The following MYCBP2 variants were observed in gnomAD, a reference collection of about 807,000 sequenced individuals.
MYCBP2 encodes E3 ubiquitin-protein ligase MYCBP2.
A neutral mutation model predicts 525.3 loss-of-function variants in MYCBP2; 120 were observed. The ratio of observed to expected loss-of-function variants is 0.23; its 90% CI spans 0.20 to 0.27. MYCBP2 has a LOEUF of 0.27. MYCBP2 is among the 10% of genes least tolerant of loss of function. The probability of loss-of-function intolerance (pLI) is 1.00; values close to 1 mark genes in which losing one functional copy is unlikely to be tolerated. For missense variants in MYCBP2, 4,149 were observed against 5,657.1 expected, an observed-to-expected ratio of 0.73 and a Z score of 8.55; for synonymous variants, 1,894 against 1,955.8, an observed-to-expected ratio of 0.97 and a Z score of 0.83.
chr13:77,076,525 A>G (rs1178594850), intron 68 of MYCBP2, among the ~76,000 whole-genome samples: 1 of 152,220 alleles, frequency 6.6e-6, no homozygotes, highest in Non-Finnish European at 1.5e-5. Flanking sequence ...AAATGAATGC[A>G]AAAACCCAAG....
chr13:77,268,259 T>C (rs1368648663), intron 7 of MYCBP2, among the ~76,000 whole-genome samples: 1 of 152,324 alleles, frequency 6.6e-6, no homozygotes, highest in South Asian at 2.1e-4. Flanking sequence ...CTTTAACAAG[T>C]ACTTTAAGAA....
chr13:77,303,700 C>T (rs9544457), intron 1 of MYCBP2, among the ~76,000 whole-genome samples: 86,972 of 151,536 alleles, frequency 0.57, 28,293 homozygotes, highest in Non-Finnish European at 0.73. Flanking sequence ...ATAACAAAAT[C>T]GGTAGAATGC....
rs1197319513 is a variant in MYCBP2, at chr13:77,261,358, T to C, written c.1665A>G (p.Lys555=). ...CTTGTTTGATTCCAAGACTCTGGTATTTGCCAGTGTAATATATCTTATGTA... is the reference window on the plus strand; with the variant it reads ...CTTGTTTGATTCCAAGACTCTGGTACTTGCCAGTGTAATATATCTTATGTA... ...TANGKIYYTG[K]YQSLGIKQGG... Residue 555 remains lysine, a synonymous_variant, in exon 12 of 83, where the codon AAA becomes AAG. Transcript: ENST00000544440. 1.2e-6 allele frequency: 2 copies of C among 1,610,010 alleles called. No individual in the cohort carries two copies. The highest frequency in any genetic ancestry group is 1.1e-5 in the South Asian group (1 of 90,896).
intron 2 of MYCBP2, among the ~76,000 whole-genome samples, chr13:77,290,770 C>G (rs993030570): frequency 6.6e-6 from 1 of 152,146 alleles, no homozygotes; most frequent in Non-Finnish European, 1.5e-5. Flanking sequence ...GATGGAACTG[C>G]TGTATATCCA....
rs535986399 is a variant in MYCBP2, at chr13:77,062,511, T to TTTTG, written c.12774+81_12774+84dup. 2.5e-4 allele frequency: 294 copies of TTTTG among 1,180,406 alleles called. 1 individual carries two copies. The African/African-American group carries it at 3.3e-3, about 13-fold the overall frequency. 73.1% of individuals were successfully genotyped at this position (1,180,406 alleles called of 1,614,324 possible). ...CACTAACTGTTTATGTTGATGTGTT[T>TTTTG]TTTGTTTGTTTGTTTGTTTTTAAGC... is the stretch of plus-strand genomic sequence containing the variant. On this transcript the variant is annotated intron_variant, in intron 74 of 82. Transcript: ENST00000544440.
intron 48 of MYCBP2, 140 bp downstream of exon 48, chr13:77,146,022 A>G (rs1466299245): frequency 3.8e-6 from 2 of 523,538 alleles, no homozygotes; most frequent in Non-Finnish European, 6.7e-6. Context: ...ATACATTATT[A>G]TATGACATCT....
chr13:77,251,275 T>A lies in MYCBP2; in HGVS notation c.2257A>T (p.Met753Leu). ...CATTTGTGCATGCCTGGAGGGCACA[T>A]CATAGACTTCTCATCTTTTTCATCT... Reference protein sequence around the residue: ...ELDEKDEKSMMCPPGMHKWKL... With the variant: ...ELDEKDEKSMLCPPGMHKWKL... The change falls in exon 15 of 83, where the codon ATG becomes TTG. Residue 753 changes from methionine to leucine, a missense_variant. Around this residue, in one of 21 missense-constraint regions of MYCBP2, gnomAD observed 620 missense variants for 795.5 expected, o/e 0.78. Transcript: ENST00000544440. 6.2e-7 allele frequency: 1 copy of A among 1,614,226 alleles called. No individual in the cohort carries two copies. Among genetic ancestry groups the A allele is most frequent in the Non-Finnish European group, 8.5e-7 (1 of 1,180,026 alleles).
intron 50 of MYCBP2, 26 bp from the exon 51 acceptor site, chr13:77,140,189 A>G (rs950903065): frequency 7.0e-7 from 1 of 1,434,892 alleles, no homozygotes; most frequent in Non-Finnish European, 9.7e-7. Context: ...ATAAACAGTG[A>G]GGTAGGAAGA....
intron 47 of MYCBP2, among the ~76,000 whole-genome samples, chr13:77,146,960 T>C (rs2055685576): frequency 6.6e-6 from 1 of 152,074 alleles, no homozygotes; most frequent in Admixed American, 6.6e-5. Flanking sequence ...TTTATTTCAG[T>C]ACAGTTTATA....
intron 2 of MYCBP2, among the ~76,000 whole-genome samples, chr13:77,291,711 G>T (rs1294189559): frequency 1.3e-5 from 2 of 151,774 alleles, no homozygotes; most frequent in East Asian, 3.9e-4. Context: ...AGGTTGCAAT[G>T]AGCCGAGATC....
intron 44 of MYCBP2, 89 bp from the exon 45 acceptor site, chr13:77,158,198 G>A (rs3861128): frequency 0.67 from 489,135 of 730,708 alleles, 173,763 homozygotes; most frequent in Non-Finnish European, 0.74. Flanking sequence ...TTTCAGATAG[G>A]CCTTTACGGA....
chr13:77,098,529 T>G lies in MYCBP2; in HGVS notation c.8625A>C (p.Thr2875=), dbSNP rs748750243. ...TCTTGCGGAGGGTATCTGGATCAAG[T>G]GTGTAAGAGTCTGATTTAGAACGTT... The part of the protein sequence containing the change: ...PRERSKSDSY[T]LDPDTLRKKK... Residue 2875 remains threonine, a synonymous_variant, in exon 56 of 83, where the codon ACA becomes ACC. Coordinates refer to ENST00000544440, the MANE Select transcript of MYCBP2 (RefSeq NM_015057.5). 17 of 1,613,580 alleles carry G rather than the reference T, an allele frequency of 1.1e-5. No homozygotes were observed. In the Admixed American group the frequency reaches 2.5e-4, roughly 24 times the overall value.
chr13:77,285,988 T>TC (rs2076716089), intron 3 of MYCBP2, among the ~76,000 whole-genome samples: 1 of 151,438 alleles, frequency 6.6e-6, no homozygotes. Context: ...AAGAAAAGGG[T>TC]CCCACTCTAA....
intron 52 of MYCBP2, 36 bp from the exon 53 acceptor site, chr13:77,126,578 T>C (rs1382130741): frequency 2.7e-6 from 4 of 1,505,664 alleles, no homozygotes; most frequent in Non-Finnish European, 3.6e-6. Flanking sequence ...ATAAACAAAA[T>C]ACAATCTATT....
chr13:77,185,345 T>C lies in MYCBP2; in HGVS notation c.4477A>G (p.Lys1493Glu). ...GTTTTTCCAATACACTCTGCTAATT[T>C]GCTAGTTTCTTCTACAACTGCTTTT... The part of the protein sequence containing the change: ...TGKAVVEETS[K>E]LAECIGKTRT... Residue 1493 changes from lysine (K) to glutamate (E), a missense_variant, in exon 32 of 83, where the codon AAA (lysine) becomes GAA (glutamate). Physicochemically the swap from Lys to Glu is moderately conservative, Grantham distance 56. Transcript: ENST00000544440. 6.2e-7 allele frequency: 1 copy of C among 1,613,278 alleles called. No individual in the cohort carries two copies. Among genetic ancestry groups the C allele is most frequent in the Non-Finnish European group, 8.5e-7 (1 of 1,179,438 alleles).
At chr13:77,267,656 A>G (rs1392904851) in intron 8 of MYCBP2, among the ~76,000 whole-genome samples, 185 bp downstream of exon 8, 2 of 152,192 alleles carry the variant, frequency 1.3e-5, no homozygotes, top group Non-Finnish European at 2.9e-5. Context: ...TTATATTTCT[A>G]TGTCTATTCT....
At chr13:77,174,668 T>C (rs936168242) in intron 36 of MYCBP2, among the ~76,000 whole-genome samples, 179 bp from the exon 37 acceptor site, 6 of 151,590 alleles carry the variant, frequency 4.0e-5, no homozygotes, top group Non-Finnish European at 7.4e-5. Flanking sequence ...TGAACACCTG[T>C]TGCATAAAAG....
intron 17 of MYCBP2, among the ~76,000 whole-genome samples, chr13:77,242,773 G>C (rs2069101705): frequency 6.6e-6 from 1 of 152,196 alleles, no homozygotes; most frequent in South Asian, 2.1e-4. Context: ...AATAGTTATT[G>C]ATAGTAGGCA....
chr13:77,118,367 G>A (rs1038403312), intron 55 of MYCBP2: 25 of 762,516 alleles, frequency 3.3e-5, no homozygotes, highest in Non-Finnish European at 5.8e-5. Context: ...TGGAAGGAAA[G>A]GGGCTGTCCG....
Sources: allele counts gnomAD v4.1 joint callset (sites outside exome capture counted in the v4.1 genomes callset), GRCh38; gene constraint gnomAD v4.1.1; regional missense constraint gnomAD v4.1.1; transcripts MANE v1.5; gene names NCBI Gene and HGNC (gene_info 2026-07-23, HGNC 2026-07-21).